The following RARB variants were observed in gnomAD, a reference collection of about 807,000 sequenced individuals.
RARB encodes retinoic acid receptor beta.
RARB carries 17 observed loss-of-function variants against 51.9 expected under a neutral mutation model. The observed-to-expected ratio is 0.33, with a 90% confidence interval of 0.22 to 0.49. The LOEUF is 0.49. Ranked by LOEUF, RARB falls within the 20% of genes least tolerant of loss-of-function variation. The pLI is 0.99. For synonymous variants in RARB, 215 were observed against 195.4 expected (o/e 1.10, Z -0.84); for missense variants, 369 against 550.8 (o/e 0.67, Z 3.30).
intron 5 of RARB, among the ~76,000 whole-genome samples, chr3:25,198,673 C>T (rs1375006981): frequency 1.3e-5 from 2 of 151,962 alleles, no homozygotes; most frequent in East Asian, 1.9e-4. Flanking sequence ...AAATTGCGAA[C>T]AGGTATATGG....
chr3:24,867,499 G>A (rs768436179), intron 2 of RARB, among the ~76,000 whole-genome samples: 14 of 152,108 alleles, frequency 9.2e-5, no homozygotes, highest in Non-Finnish European at 1.6e-4. Context: ...AAGCAGACTC[G>A]ATTTTGAAGT....
At chr3:24,995,391 A>G (rs1223226748) in intron 2 of RARB, among the ~76,000 whole-genome samples, 2 of 151,872 alleles carry the variant, frequency 1.3e-5, no homozygotes, top group African/African-American at 4.8e-5. Flanking sequence ...AGGTTTTTCT[A>G]TGTATAATAT....
At chr3:25,076,737 T>C (rs1185797061) in intron 3 of RARB, among the ~76,000 whole-genome samples, 3 of 152,036 alleles carry the variant, frequency 2.0e-5, no homozygotes, top group African/African-American at 7.2e-5. Flanking sequence ...TTTTTTTGCT[T>C]TTTAATAAAA....
chr3:25,369,211 A>G (rs1200780320), intron 5 of RARB, among the ~76,000 whole-genome samples: 1 of 152,236 alleles, frequency 6.6e-6, no homozygotes, highest in Non-Finnish European at 1.5e-5. Context: ...CATTAACTCA[A>G]TAAATAAGTA....
chr3:25,229,257 C>A (rs1429493539), intron 5 of RARB, among the ~76,000 whole-genome samples: 1 of 152,006 alleles, frequency 6.6e-6, no homozygotes, highest in African/African-American at 2.4e-5. Context: ...ATTTTCTATT[C>A]TATTTTTTAT....
intron 5 of RARB, among the ~76,000 whole-genome samples, chr3:25,329,303 C>T (rs568988848): frequency 9.9e-5 from 15 of 152,210 alleles, no homozygotes; most frequent in Middle Eastern, 3.4e-3. Flanking sequence ...CTCATACGGC[C>T]GGGTGCCCCT....
At chr3:24,859,692 G>A (rs796239316) in intron 2 of RARB, among the ~76,000 whole-genome samples, 162 of 152,202 alleles carry the variant, frequency 1.1e-3, no homozygotes, top group African/African-American at 3.8e-3. Context: ...TATACTTTGG[G>A]GACTTGGAAG....
intron 2 of RARB, among the ~76,000 whole-genome samples, chr3:25,468,977 G>A (rs1488594757): frequency 6.6e-6 from 1 of 152,248 alleles, no homozygotes; most frequent in Non-Finnish European, 1.5e-5. Context: ...TTCTCCACAA[G>A]GGCGCAGAGG....
chr3:24,839,722 G>T (rs796243761), intron 1 of RARB, among the ~76,000 whole-genome samples: 337 of 25,494 alleles, frequency 0.013, 5 homozygotes, highest in African/African-American at 0.059. Context: ...AAAAAAAAGG[G>T]GGGGGGGGTG....
intron 5 of RARB, among the ~76,000 whole-genome samples, chr3:25,363,841 T>C (rs985554836): frequency 6.6e-6 from 1 of 152,198 alleles, no homozygotes; most frequent in Non-Finnish European, 1.5e-5. Context: ...TCTCTTTCTC[T>C]GACTTGGCTC....
At chr3:25,502,926 T>C (rs1697391118) in intron 3 of RARB, among the ~76,000 whole-genome samples, 1 of 152,250 alleles carries the variant, frequency 6.6e-6, no homozygotes, top group South Asian at 2.1e-4. Context: ...CAGGTCGTTT[T>C]GTTATATCTG....
At chr3:24,830,103 C>A (rs1016509304) in intron 1 of RARB, among the ~76,000 whole-genome samples, 1 of 152,082 alleles carries the variant, frequency 6.6e-6, no homozygotes, top group African/African-American at 2.4e-5. Context: ...GGCCAGGGAC[C>A]GAGCCCTGGA....
Position 25,171,888 on chromosome 3 carries a change from T to C in RARB, c.-279-2231T>C, listed in dbSNP as rs184468367. Among the ~76,000 whole-genome samples, 25 of 152,252 alleles carry C rather than the reference T, an allele frequency of 1.6e-4. No individual in the cohort carries two copies. The East Asian group carries it at 4.6e-3, about 28-fold the overall frequency. The stretch of plus-strand genomic sequence containing the variant: ...CAAACTACAAAATAAAACTATTGAA[T>C]ATATTGGATAACGTATGCTTTTTTG... On this transcript the variant is annotated intron_variant, in intron 4 of 11. Coordinates refer to the RARB transcript ENST00000383772.
intron 1 of RARB, among the ~76,000 whole-genome samples, chr3:25,449,100 C>A (rs1331989403): frequency 6.6e-6 from 1 of 152,000 alleles, no homozygotes. Context: ...GGCTCAGAGT[C>A]CTCTCCTCCT....
intron 2 of RARB, among the ~76,000 whole-genome samples, chr3:24,966,975 A>G (rs1259700837): frequency 1.3e-5 from 2 of 152,146 alleles, no homozygotes; most frequent in Non-Finnish European, 2.9e-5. Flanking sequence ...CTATCATGGA[A>G]GTCACAAACC....
chr3:25,570,345 C>T (rs937264561), intron 4 of RARB, among the ~76,000 whole-genome samples: 1 of 152,154 alleles, frequency 6.6e-6, no homozygotes, highest in Admixed American at 6.5e-5. Flanking sequence ...GGGGACGGGG[C>T]CTGATCTTTT....
rs138684404 is a variant in RARB at position 25,210,820 on chromosome 3, C to T, written c.178+36245C>T. ...AAAGTGCTGGGATTACAGGCATGAGCCACCATGCCCAGCCTTTGTCTGATT... is the reference window on the plus strand; with the variant it reads ...AAAGTGCTGGGATTACAGGCATGAGTCACCATGCCCAGCCTTTGTCTGATT... On this transcript the variant is annotated intron_variant, in intron 5 of 11. Transcript: ENST00000383772. 1.3e-3 allele frequency among the ~76,000 whole-genome samples: 205 copies of T among 152,118 alleles called. 2 individuals carry two copies. The highest frequency in any genetic ancestry group is 4.7e-3 in the African/African-American group (197 of 41,534).
intron 5 of RARB, among the ~76,000 whole-genome samples, chr3:25,418,433 A>G (rs1055518337): frequency 3.3e-5 from 5 of 152,120 alleles, no homozygotes; most frequent in African/African-American, 9.7e-5. Flanking sequence ...TTTGAAGTAG[A>G]CCTTACCTAC....
chr3:24,979,428 A>G (rs7632913), intron 2 of RARB, among the ~76,000 whole-genome samples: 104,592 of 151,942 alleles, frequency 0.69, 36,390 homozygotes, highest in East Asian at 0.84. Context: ...CTCTTGTATT[A>G]CATGCATATA....
Sources: gnomAD v4.1 joint callset for allele counts (sites outside exome capture counted in the v4.1 genomes callset) on GRCh38, gnomAD v4.1.1 for gene constraint, MANE v1.5 for transcripts, NCBI Gene and HGNC (gene_info 2026-07-23, HGNC 2026-07-21) for gene names.